Variants in RUNX2 observed in about 807,000 individuals in gnomAD.
RUNX2 encodes the protein runt-related transcription factor 2.
RUNX2 carries 10 observed loss-of-function variants against 51.7 expected under a neutral mutation model. The observed-to-expected ratio is 0.19, with a 90% CI of 0.12 to 0.33. The LOEUF (loss-of-function observed/expected upper bound fraction) is 0.33. RUNX2 is among the 10% of genes least tolerant of loss of function. RUNX2 has a pLI of 1.00. For synonymous variants in RUNX2, 276 were observed against 273.6 expected (o/e 1.01, Z -0.09); for missense variants, 562 against 691.3 (o/e 0.81, Z 2.10).
intron 4 of RUNX2, 98 bp from the exon 5 acceptor site, chr6:45,437,849 A>C: frequency 2.3e-6 from 2 of 882,162 alleles, no homozygotes; most frequent in Non-Finnish European, 3.8e-6. Flanking sequence ...TTGCCTCCTT[A>C]GAGATGCTTA....
intron 2 of RUNX2, among the ~76,000 whole-genome samples, chr6:45,399,966 A>G (rs1178187782): frequency 6.8e-6 from 1 of 146,382 alleles, no homozygotes; most frequent in African/African-American, 2.5e-5. Context: ...TTTCTTTAGA[A>G]AGGAAGGAAG....
intron 4 of RUNX2, among the ~76,000 whole-genome samples, chr6:45,437,678 A>T: frequency 6.6e-6 from 1 of 152,186 alleles, no homozygotes; most frequent in Non-Finnish European, 1.5e-5. Context: ...TTTCATTACA[A>T]CTGTTGCTAC....
rs1468888733 is a variant in RUNX2, at chr6:45,454,043, G to A, written c.685+15992G>A. Among the ~76,000 whole-genome samples, 4 of 152,202 alleles carry A rather than the reference G, an allele frequency of 2.6e-5. 1 individual carries two copies. Among genetic ancestry groups the A allele is most frequent in the African/African-American group, 9.7e-5 (4 of 41,444 alleles). On this transcript the variant is annotated intron_variant, in intron 5 of 8. Transcript: ENST00000647337. ...AGCCAAATAGCCTGAATGAAGAGAA[G>A]GAGAGATGCCTCTTCCTTTGCTTTC... is the stretch of plus-strand genomic sequence containing the variant.
intron 5 of RUNX2, among the ~76,000 whole-genome samples, chr6:45,467,464 T>C (rs529697280): frequency 6.6e-6 from 1 of 152,208 alleles, no homozygotes. Context: ...GTATTTTTAG[T>C]AGAGGTGGGG....
intron 7 of RUNX2, among the ~76,000 whole-genome samples, chr6:45,535,457 A>T (rs1802001326): frequency 6.6e-6 from 1 of 152,112 alleles, no homozygotes; most frequent in African/African-American, 2.4e-5. Context: ...ACAAAGAATT[A>T]GCTGGGCGTG....
intron 6 of RUNX2, among the ~76,000 whole-genome samples, chr6:45,507,005 T>C (rs1488575863): frequency 6.6e-6 from 1 of 151,614 alleles, no homozygotes; most frequent in African/African-American, 2.4e-5. Flanking sequence ...TGACATAGCA[T>C]TGATTTAGCC....
chr6:45,470,698 T>C (rs916412547), intron 5 of RUNX2, among the ~76,000 whole-genome samples: 8 of 152,234 alleles, frequency 5.3e-5, no homozygotes, highest in African/African-American at 1.9e-4. Context: ...AGGTTTTCCC[T>C]TGGGACTCAG....
intron 5 of RUNX2, among the ~76,000 whole-genome samples, chr6:45,465,024 GA>G (rs1463574105): frequency 6.6e-6 from 1 of 152,148 alleles, no homozygotes; most frequent in Non-Finnish European, 1.5e-5. Flanking sequence ...AGCCTTATAA[GA>G]AAAAATGTTT....
rs142373016 is a variant in RUNX2 at position 45,500,318 on chromosome 6, C to T, written c.859+8204C>T. Reference sequence around the variant, plus strand: ...AAAAGTGTTTTCATTTTAATGTATGCGAAAGTATTCCAGGAATATAACTGT... The same window carrying T: ...AAAAGTGTTTTCATTTTAATGTATGTGAAAGTATTCCAGGAATATAACTGT... On this transcript the variant is annotated intron_variant, in intron 6 of 8. Transcript: ENST00000647337. 2.0e-4 allele frequency among the ~76,000 whole-genome samples: 31 copies of T among 152,138 alleles called. No individual in the cohort carries two copies. In the East Asian group the frequency reaches 4.1e-3, roughly 20 times the overall value.
chr6:45,345,550 T>C (rs534871914), intron 2 of RUNX2, among the ~76,000 whole-genome samples: 226 of 152,306 alleles, frequency 1.5e-3, no homozygotes, highest in African/African-American at 5.2e-3. Flanking sequence ...GATAGAAACC[T>C]TGGAATCATT....
intron 5 of RUNX2, among the ~76,000 whole-genome samples, chr6:45,455,572 C>A (rs943397753): frequency 3.9e-5 from 6 of 152,082 alleles, no homozygotes; most frequent in African/African-American, 1.4e-4. Context: ...AAAGGGCCTC[C>A]AGCAGAATTG....
At chr6:45,412,315 C>T (rs961295046) in intron 2 of RUNX2, among the ~76,000 whole-genome samples, 31 of 151,846 alleles carry the variant, frequency 2.0e-4, no homozygotes, top group Admixed American at 1.8e-3. Flanking sequence ...ATGATCACAC[C>T]GGTACACTCC....
chr6:45,408,484 G>A (rs12206662), intron 2 of RUNX2, among the ~76,000 whole-genome samples: 9,682 of 152,118 alleles, frequency 0.064, 425 homozygotes, highest in Non-Finnish European at 0.098. Context: ...CTACCTTGAT[G>A]CAATGCAGCC....
intron 4 of RUNX2, among the ~76,000 whole-genome samples, chr6:45,433,478 T>C (rs554697591): frequency 1.6e-4 from 24 of 149,964 alleles, no homozygotes; most frequent in African/African-American, 5.8e-4. Context: ...TCTTTCTTCT[T>C]ATGTAATAAT....
chr6:45,490,022 G>A (rs1800413201), intron 5 of RUNX2, among the ~76,000 whole-genome samples: 1 of 152,172 alleles, frequency 6.6e-6, no homozygotes, highest in African/African-American at 2.4e-5. Flanking sequence ...TAGAATACCA[G>A]CACTGATGGT....
At chr6:45,401,203 A>C (rs915086163) in intron 2 of RUNX2, among the ~76,000 whole-genome samples, 1 of 152,178 alleles carries the variant, frequency 6.6e-6, no homozygotes, top group Non-Finnish European at 1.5e-5. Flanking sequence ...ATTTCTGTTC[A>C]TTTCTAATGG....
At chr6:45,471,122 G>A (rs944036090) in intron 5 of RUNX2, among the ~76,000 whole-genome samples, 5 of 152,180 alleles carry the variant, frequency 3.3e-5, no homozygotes, top group African/African-American at 1.2e-4. Flanking sequence ...GGGAATGGGG[G>A]TGGAAAATTA....
chr6:45,471,044 G>A (rs928901915), intron 5 of RUNX2, among the ~76,000 whole-genome samples: 90 of 152,122 alleles, frequency 5.9e-4, no homozygotes, highest in Non-Finnish European at 1.3e-4. Flanking sequence ...TTTCAGTTTT[G>A]CTAGTTAGAG....
intron 6 of RUNX2, 103 bp downstream of exon 6, chr6:45,492,217 G>A (rs1800502673): frequency 1.8e-6 from 2 of 1,091,670 alleles, no homozygotes; most frequent in African/African-American, 3.1e-5. Flanking sequence ...GAGCTGTGAA[G>A]CGGCTTATTA....
Sources: allele counts gnomAD v4.1 joint callset (sites outside exome capture counted in the v4.1 genomes callset), GRCh38; gene constraint gnomAD v4.1.1; transcripts MANE v1.5; gene names NCBI Gene and HGNC (gene_info 2026-07-23, HGNC 2026-07-21).